Variants in LAMA5 observed in about 807,000 individuals in gnomAD.
LAMA5 encodes the protein laminin subunit alpha-5.
A neutral mutation model predicts 433.4 loss-of-function variants in LAMA5; 260 were observed. The observed-to-expected ratio is 0.60, with a 90% CI of 0.54 to 0.66. LAMA5 has a LOEUF of 0.66. Ranked by LOEUF, LAMA5 falls within the 30% of genes least tolerant of loss-of-function variation. The probability of loss-of-function intolerance (pLI) is 0.00; values close to 1 mark genes in which losing one functional copy is unlikely to be tolerated. For synonymous variants in LAMA5, 2,620 were observed against 2,226.6 expected, an observed-to-expected ratio of 1.18 and a Z score of -4.97; for missense variants, 5,378 against 5,258.5, an observed-to-expected ratio of 1.02 and a Z score of -0.70.
Position 62,330,481 on chromosome 20 carries a change from C to T in LAMA5, c.3979+7G>A, listed in dbSNP as rs1601344499. The T allele has an allele frequency of 1.3e-6, 2 of 1,540,744 alleles. No homozygotes were observed. Among genetic ancestry groups the T allele is most frequent in the East Asian group, 2.4e-5 (1 of 41,638 alleles). Reference sequence around the variant, plus strand: ...TAGCCTCTCCACCCCCCACACCAGACACTCACCCTGCCACACGCGGCCGGC... The same window carrying T: ...TAGCCTCTCCACCCCCCACACCAGATACTCACCCTGCCACACGCGGCCGGC... On this transcript the variant is annotated splice_region_variant and intron_variant, in intron 31 of 79. Transcript: ENST00000252999.
chr20:62,310,913 G>A lies in LAMA5; in HGVS notation c.10270C>T (p.Arg3424Cys), dbSNP rs373853818. 23 of 1,610,252 alleles carry A rather than the reference G, an allele frequency of 1.4e-5. No individual in the cohort carries two copies. The highest frequency in any genetic ancestry group is 3.3e-5 in the South Asian group (3 of 90,926). Residue 3424 changes from arginine (R) to cysteine (C), a missense_variant, in exon 74 of 80, where the codon CGC becomes TGC. Transcript: ENST00000252999. ...TTCTCGGCCCTCACCTTGTGCCAGC[G>A]GCCAGGCCGGGAGCGCTGGCGGCTC... Reference protein sequence around the residue: ...AQSRQRSRPGRWHKVSVRWEK... With the variant: ...AQSRQRSRPGCWHKVSVRWEK...
At chr20:62,362,167 G>A (rs1986198486) in intron 2 of LAMA5, among the ~76,000 whole-genome samples, 1 of 152,226 alleles carries the variant, frequency 6.6e-6, no homozygotes, top group Non-Finnish European at 1.5e-5. Context: ...ACACCCCCAT[G>A]AGCACCCGCT....
rs759831616 is a variant in LAMA5, at chr20:62,310,512, C to G, written c.10507G>C (p.Ala3503Pro). The change falls in exon 76 of 80, where the codon GCC becomes CCC. Residue 3503 changes from alanine (A) to proline (P), a missense_variant. Ala to Pro is a conservative substitution (Grantham distance 27, BLOSUM62 -1). Coordinates refer to ENST00000252999, the MANE Select transcript of LAMA5 (RefSeq NM_005560.6). ...RLRLHGRPLG[A>P]PTRMAGVTPC... The stretch of plus-strand genomic sequence containing the variant: ...GTGACCCCTGCCATCCGTGTGGGGG[C>G]CCCCAGGGGCCTCCCGTGCAGCCTC... The G allele has an allele frequency of 1.5e-5, 23 of 1,555,056 alleles. No individual in the cohort carries two copies. The highest frequency in any genetic ancestry group is 2.0e-5 in the Non-Finnish European group (23 of 1,157,966).
chr20:62,341,799 A>T (rs1429217821), intron 11 of LAMA5, among the ~76,000 whole-genome samples: 1 of 150,966 alleles, frequency 6.6e-6, no homozygotes, highest in Non-Finnish European at 1.5e-5. Context: ...CAATAAACTC[A>T]ACGAACCTCT....
At chr20:62,316,616 T>G in intron 57 of LAMA5, 55 bp downstream of exon 57, 1 of 1,362,276 alleles carries the variant, frequency 7.3e-7, no homozygotes, top group Non-Finnish European at 9.9e-7. Flanking sequence ...TGAGGGTCCC[T>G]GGGAGCTCAG....
At position 62,315,137 on chromosome 20, in the gene LAMA5, C is replaced by T. The variant is rs1413811358; in HGVS notation, c.7938G>A (p.Val2646=). ...CCTGCATGGCCTGCAGCTGGGACTG[C>T]ACACGGGTGGCGGTGTCCTGGGCTT... ...AAEAQDTATR[V]QSQLQAMQEN... Residue 2646 remains valine, a synonymous_variant, in exon 59 of 80, where the codon GTG becomes GTA. Transcript: ENST00000252999. The T allele has an allele frequency of 9.3e-6, 15 of 1,610,174 alleles. No homozygotes were observed. Among genetic ancestry groups the T allele is most frequent in the Middle Eastern group, 1.6e-4 (1 of 6,078 alleles).
chr20:62,322,242 G>A (rs376132441), intron 47 of LAMA5, 27 bp downstream of exon 47: 312 of 1,567,748 alleles, frequency 2.0e-4, no homozygotes, highest in Non-Finnish European at 2.5e-4. Flanking sequence ...GTCCCCATCC[G>A]CCCTCCTGTG....
In LAMA5 at chr20:62,333,426, C is replaced by T. The variant is rs150692106; in HGVS notation, c.3077G>A (p.Arg1026Gln). The change falls in exon 25 of 80, where the codon CGG becomes CAG. Residue 1026 changes from arginine (R) to glutamine (Q), a missense_variant. Transcript: ENST00000252999. The stretch of plus-strand genomic sequence containing the variant: ...ACGGTATGTGCAGGCCTCAGTCACC[C>T]GCAGCTGCAGGAGCGCCGCCTCGTA... ...AYYEAALLQL[R>Q]VTEACTYRPS... 8 of 1,612,750 alleles carry T rather than the reference C, an allele frequency of 5.0e-6. No homozygotes were observed. Among genetic ancestry groups the T allele is most frequent in the Non-Finnish European group, 6.8e-6 (8 of 1,179,894 alleles).
rs200103455 is a variant in LAMA5, at chr20:62,322,692, G to A, written c.6131C>T (p.Ala2044Val). The change falls in exon 46 of 80, where the codon GCG becomes GTG. Residue 2044 changes from alanine to valine, a missense_variant. By Grantham distance (64) the Ala-to-Val change is moderately conservative (BLOSUM62 0). Transcript: ENST00000252999. ...DPHSGHCLCK[A>V]GVTGRRCDRC... The stretch of plus-strand genomic sequence containing the variant: ...GTCACAGCGCCGCCCAGTCACGCCC[G>A]CCTTGCACAGGCAGTGCCCGCTGTG... 4.1e-4 allele frequency: 567 copies of A among 1,366,932 alleles called. 1 individual carries two copies. Among genetic ancestry groups the A allele is most frequent in the Middle Eastern group, 1.4e-3 (5 of 3,522 alleles). The allele number at this position is 1,366,932 out of a possible 1,614,324, so 84.7% of individuals were successfully genotyped here. A position where few individuals can be genotyped will look rare whatever the true frequency, so the allele number is the denominator to read the frequency against.
At position 62,328,967 on chromosome 20, in the gene LAMA5, C is replaced by T. The variant is rs139764752; in HGVS notation, c.4324G>A (p.Glu1442Lys). 191 of 1,612,316 alleles carry T rather than the reference C, an allele frequency of 1.2e-4. No individual in the cohort carries two copies. Among genetic ancestry groups the T allele is most frequent in the Non-Finnish European group, 1.5e-4 (180 of 1,179,720 alleles). Residue 1442 changes from glutamate (E) to lysine (K), a missense_variant, in exon 34 of 80, where the codon GAA (glutamate) becomes AAA (lysine). Physicochemically the swap from Glu to Lys is moderately conservative, Grantham distance 56. Transcript: ENST00000252999. Reference sequence around the variant, plus strand: ...CACGTGGGGCCTGTAGCACCTACTTCGTGGCAGCCACATGGACGGGCTCCG... The same window carrying T: ...CACGTGGGGCCTGTAGCACCTACTTTGTGGCAGCCACATGGACGGGCTCCG... ...NNGARPCGCH[E>K]VGATGPTCEP...
At chr20:62,317,576 G>C (rs563091386) in intron 54 of LAMA5, 77 bp from the exon 55 acceptor site, 6 of 1,520,058 alleles carry the variant, frequency 3.9e-6, no homozygotes, top group South Asian at 2.6e-5. Context: ...GGCTCTGCAC[G>C]CAAGTGTGCA....
At chr20:62,332,988 GGCAGCGCCCT>G in intron 26 of LAMA5, 92 bp downstream of exon 26, 1 of 1,317,918 alleles carries the variant, frequency 7.6e-7, no homozygotes, top group African/African-American at 1.6e-5. Flanking sequence ...CATTGCCTGA[GGCAGCGCCCT>G]GCTCCTATAA....
Position 62,322,460 on chromosome 20 carries a change from G to A in LAMA5, c.6166-11C>T, listed in dbSNP as rs1180254839. On this transcript the variant is annotated splice_polypyrimidine_tract_variant and intron_variant, in intron 46 of 79. Coordinates refer to ENST00000252999, the MANE Select transcript of LAMA5 (RefSeq NM_005560.6). The stretch of plus-strand genomic sequence containing the variant: ...ACCAAAATGTCCCTCCTGTGGCACA[G>A]GCTGGTCACTGCCCTGCCCAGCCCT... 2 of 1,570,324 alleles carry A rather than the reference G, an allele frequency of 1.3e-6. No homozygotes were observed. The highest frequency in any genetic ancestry group is 1.7e-6 in the Non-Finnish European group (2 of 1,158,240).
At chr20:62,363,295 T>C (rs955322239) in intron 1 of LAMA5, among the ~76,000 whole-genome samples, 2 of 152,100 alleles carry the variant, frequency 1.3e-5, no homozygotes, top group African/African-American at 4.8e-5. Context: ...TTCCGAGTCC[T>C]GGGAAGAGGC....
intron 2 of LAMA5, among the ~76,000 whole-genome samples, chr20:62,355,927 G>A (rs1985146790): frequency 1.3e-5 from 2 of 152,176 alleles, no homozygotes; most frequent in Non-Finnish European, 1.5e-5. Context: ...TAAAGGTCCC[G>A]ACTGAGCCCC....
At chr20:62,316,593 T>A (rs965642714) in intron 57 of LAMA5, 78 bp downstream of exon 57, 3 of 1,138,400 alleles carry the variant, frequency 2.6e-6, no homozygotes, top group African/African-American at 1.6e-5. Context: ...CACGTGTGCA[T>A]GTGGCTGGGG....
chr20:62,327,022 C>T, intron 38 of LAMA5, 56 bp from the exon 39 acceptor site: 1 of 1,353,302 alleles, frequency 7.4e-7, no homozygotes. Flanking sequence ...AGGCTCAGAG[C>T]CCGTCAGCAG....
At position 62,315,065 on chromosome 20, in the gene LAMA5, C is replaced by T; in HGVS notation, c.8010G>A (p.Gln2670=). 1 of 1,600,670 alleles carries T rather than the reference C, an allele frequency of 6.2e-7. No homozygotes were observed. The highest frequency in any genetic ancestry group is 8.5e-7 in the Non-Finnish European group (1 of 1,178,992). Reference sequence around the variant, plus strand: ...CGTCAAGCACTGCCTGGCCCAGGTCCTGGCCCCGCAGGCCCTCGTACTGGC... The same window carrying T: ...CGTCAAGCACTGCCTGGCCCAGGTCTTGGCCCCGCAGGCCCTCGTACTGGC... ...WQGQYEGLRG[Q]DLGQAVLDAG... is the part of the protein sequence containing the mutation. The change falls in exon 59 of 80, where the codon CAG becomes CAA. Residue 2670 remains glutamine, a synonymous_variant. Coordinates refer to ENST00000252999, the MANE Select transcript of LAMA5 (RefSeq NM_005560.6).
At chr20:62,319,925 A>C in intron 50 of LAMA5, 130 bp from the exon 51 acceptor site, 2 of 570,698 alleles carry the variant, frequency 3.5e-6, no homozygotes. Context: ...TAACTCTCTT[A>C]TCTGATGACT....
Sources: gnomAD v4.1 joint callset for allele counts (sites outside exome capture counted in the v4.1 genomes callset) on GRCh38, gnomAD v4.1.1 for gene constraint, MANE v1.5 for transcripts, NCBI Gene and HGNC (gene_info 2026-07-23, HGNC 2026-07-21) for gene names.